The following HEPACAM2 variants were observed in gnomAD, a reference collection of about 807,000 sequenced individuals.
HEPACAM2 encodes the protein HEPACAM family member 2, also known as mitotic kinetics regulator.
HEPACAM2 carries 49 observed loss-of-function variants against 49.6 expected under a neutral mutation model. The observed-to-expected ratio is 0.99, with a 90% CI of 0.78 to 1.25. The LOEUF (loss-of-function observed/expected upper bound fraction) is 1.25, where lower values mean the gene tolerates loss of function less well. HEPACAM2 is among the 50% of genes most tolerant of loss of function. HEPACAM2 has a pLI of 0.00. For synonymous variants in HEPACAM2, 197 were observed against 202.9 expected (o/e 0.97, Z 0.25); for missense variants, 525 against 557.2 (o/e 0.94, Z 0.58).
Position 93,208,632 on chromosome 7 carries a change from G to A in HEPACAM2, c.960C>T (p.Asn320=). The A allele has an allele frequency of 6.2e-7, 1 of 1,613,054 alleles. No homozygotes were observed. The highest frequency in any genetic ancestry group is 2.2e-5 in the East Asian group (1 of 44,848). ...TMDYVCCAYN[N]ITGRQDETHF... ...GAGTTTCATCTTGCCTGCCGGTTATGTTGTTGTAAGCACAGCACACATAGT... is the reference window on the plus strand; with the variant it reads ...GAGTTTCATCTTGCCTGCCGGTTATATTGTTGTAAGCACAGCACACATAGT... Residue 320 remains asparagine, a synonymous_variant, in exon 4 of 10, where the codon AAC becomes AAT. Transcript: ENST00000394468.
chr7:93,221,898 G>A (rs571200240), intron 1 of HEPACAM2, among the ~76,000 whole-genome samples: 1 of 152,184 alleles, frequency 6.6e-6, no homozygotes, highest in South Asian at 2.1e-4. Flanking sequence ...ATTCCCTTCT[G>A]TATTCTTTTC....
At chr7:93,204,467 G>C (rs1793978626) in intron 4 of HEPACAM2, among the ~76,000 whole-genome samples, 2 of 152,080 alleles carry the variant, frequency 1.3e-5, no homozygotes, top group Admixed American at 1.3e-4. Context: ...ATTCAAGGAA[G>C]TCCGTAATTA....
chr7:93,208,566 T>C lies in HEPACAM2; in HGVS notation c.1012+14A>G, dbSNP rs1174647146. 1.2e-6 allele frequency: 2 copies of C among 1,605,222 alleles called. No individual in the cohort carries two copies. The highest frequency in any genetic ancestry group is 4.5e-5 in the East Asian group (2 of 44,674). On this transcript the variant is annotated intron_variant, in intron 4 of 9. Coordinates refer to ENST00000394468, the MANE Select transcript of HEPACAM2 (RefSeq NM_001039372.4). ...ATGTTTTATTAGGATCCCTTCCTTG[T>C]ATGTCACACATACCTACGGAAGTGA...
chr7:93,217,070 CTATT>C (rs1394608878), intron 2 of HEPACAM2, among the ~76,000 whole-genome samples: 1 of 152,114 alleles, frequency 6.6e-6, no homozygotes, highest in African/African-American at 2.4e-5. Flanking sequence ...ACTGGCTCAT[CTATT>C]TAATTTAATC....
chr7:93,217,514 C>G (rs1794333195), intron 2 of HEPACAM2, among the ~76,000 whole-genome samples: 1 of 152,130 alleles, frequency 6.6e-6, no homozygotes, highest in Non-Finnish European at 1.5e-5. Context: ...TGGAAATTCC[C>G]TTTAGATCTC....
intron 3 of HEPACAM2, among the ~76,000 whole-genome samples, chr7:93,214,974 T>C (rs1029067697): frequency 6.6e-6 from 1 of 152,120 alleles, no homozygotes; most frequent in African/African-American, 2.4e-5. Context: ...AGAATTGATG[T>C]AAAGAAAATA....
intron 1 of HEPACAM2, chr7:93,226,011 C>A: frequency 1.4e-6 from 1 of 720,182 alleles, no homozygotes; most frequent in Non-Finnish European, 2.2e-6. Flanking sequence ...TAAGTGGTCA[C>A]AATTTCATGG....
chr7:93,197,758 T>G lies in HEPACAM2; in HGVS notation c.1013-148A>C, dbSNP rs1293131800. On this transcript the variant is annotated intron_variant, in intron 4 of 9. Transcript: ENST00000394468. ...CACACAGAGAGAGAGAGAGACCAAA[T>G]GGAAGGAATGCACTTATTTTAGAAC... The G allele has an allele frequency of 2.3e-5, 13 of 566,418 alleles. No homozygotes were observed. In the East Asian group the frequency reaches 3.5e-4, roughly 15 times the overall value. The allele number at this position is 566,418 out of a possible 1,614,324, so 35.1% of individuals were successfully genotyped here.
chr7:93,206,630 GATGAA>G (rs1393670474), intron 4 of HEPACAM2, among the ~76,000 whole-genome samples: 1 of 151,944 alleles, frequency 6.6e-6, no homozygotes, highest in Non-Finnish European at 1.5e-5. Context: ...AATTAATAAA[GATGAA>G]ATAAAATTAA....
rs1794384278 is a variant in HEPACAM2, at chr7:93,219,092, G to A, written c.430+9C>T. ...GACTGCTGCCCTCGTACACTCACAG[G>A]GGACTCACCATCAACCGTGACTTGT... On this transcript the variant is annotated intron_variant, in intron 2 of 9. Transcript: ENST00000394468. The A allele has an allele frequency of 6.2e-7, 1 of 1,610,924 alleles. No individual in the cohort carries two copies. Among genetic ancestry groups the A allele is most frequent in the African/African-American group, 1.3e-5 (1 of 74,840 alleles).
chr7:93,197,172 T>G, intron 7 of HEPACAM2, 69 bp downstream of exon 7: 1 of 1,009,948 alleles, frequency 9.9e-7, no homozygotes, highest in Non-Finnish European at 1.4e-6. Flanking sequence ...TAATAATATA[T>G]AATAATATTA....
rs745996606 is a variant in HEPACAM2 at position 93,208,574 on chromosome 7, A to T, written c.1012+6T>A. 3 of 1,609,624 alleles carry T rather than the reference A, an allele frequency of 1.9e-6. No individual in the cohort carries two copies. On this transcript the variant is annotated splice_donor_region_variant and intron_variant, in intron 4 of 9. Coordinates refer to ENST00000394468, the MANE Select transcript of HEPACAM2 (RefSeq NM_001039372.4). ...TTAGGATCCCTTCCTTGTATGTCAC[A>T]CATACCTACGGAAGTGATGATAACT...
chr7:93,219,520 G>A lies in HEPACAM2; in HGVS notation c.80-69C>T, dbSNP rs61733337. On this transcript the variant is annotated intron_variant, in intron 1 of 9. Transcript: ENST00000394468. ...TTCACAATCTAAAGGGGCAAATGCA[G>A]AGAGAACCTGATCAGGTGATAATCC... 1.6e-4 allele frequency: 249 copies of A among 1,600,086 alleles called. 1 individual carries two copies. The African/African-American group carries it at 3.1e-3, about 20-fold the overall frequency.
chr7:93,193,968 T>A (rs894087155), intron 8 of HEPACAM2, among the ~76,000 whole-genome samples: 1 of 152,108 alleles, frequency 6.6e-6, no homozygotes, highest in African/African-American at 2.4e-5. Context: ...TGGTTGTTGG[T>A]CTTGATTTCT....
intron 7 of HEPACAM2, among the ~76,000 whole-genome samples, chr7:93,196,639 G>A (rs1031009791): frequency 1.6e-4 from 24 of 152,162 alleles, no homozygotes; most frequent in African/African-American, 4.8e-4. Context: ...AGGAAGTTGC[G>A]GTTAAGAAAA....
intron 3 of HEPACAM2, among the ~76,000 whole-genome samples, chr7:93,215,127 C>T (rs374390948): frequency 6.6e-5 from 10 of 152,086 alleles, no homozygotes; most frequent in Non-Finnish European, 7.4e-5. Context: ...TCTTGCTTTC[C>T]GCTGGAAATG....
upstream of HEPACAM2, among the ~76,000 whole-genome samples, chr7:93,230,295 T>C (rs1050910691): frequency 2.6e-5 from 4 of 152,216 alleles, no homozygotes; most frequent in African/African-American, 9.7e-5. Context: ...TCTCATGAAA[T>C]ATGTGGTCTC....
chr7:93,210,570 TAATA>T (rs1794153997), intron 3 of HEPACAM2, among the ~76,000 whole-genome samples: 1 of 151,906 alleles, frequency 6.6e-6, no homozygotes, highest in Non-Finnish European at 1.5e-5. Flanking sequence ...TCCAATCAAG[TAATA>T]AATATTTATT....
intron 8 of HEPACAM2, among the ~76,000 whole-genome samples, chr7:93,195,217 T>C (rs1397313053): frequency 6.6e-6 from 1 of 152,040 alleles, no homozygotes; most frequent in Non-Finnish European, 1.5e-5. Flanking sequence ...GGTCTCCTGA[T>C]CCGCTGTTTA....
Sources: allele counts gnomAD v4.1 joint callset (sites outside exome capture counted in the v4.1 genomes callset), GRCh38; gene constraint gnomAD v4.1.1; transcripts MANE v1.5; gene names NCBI Gene and HGNC (gene_info 2026-07-23, HGNC 2026-07-21).